Variants in DPYSL3 observed in about 807,000 individuals in gnomAD.
The protein encoded by DPYSL3 is dihydropyrimidinase-related protein 3.
Under a neutral mutation model 66.1 loss-of-function variants are expected in DPYSL3, and 16 were observed. The observed-to-expected ratio is 0.24, with a 90% CI of 0.16 to 0.37. DPYSL3 has a LOEUF of 0.37. Among genes scored for constraint, DPYSL3 ranks in the 10% least tolerant of loss-of-function variants. The pLI is 1.00. For synonymous variants in DPYSL3, 338 were observed against 345.1 expected, an observed-to-expected ratio of 0.98 and a Z score of 0.23; for missense variants, 738 against 916.2, an observed-to-expected ratio of 0.81 and a Z score of 2.51.
At position 147,445,958 on chromosome 5, in the gene DPYSL3, C is replaced by T. The variant is rs145586234; in HGVS notation, c.382-20995G>A. On this transcript the variant is annotated intron_variant, in intron 1 of 13. Transcript: ENST00000343218. Reference sequence around the variant, plus strand: ...CAAAATCTATTAATTAAGTCTACTCCCTGAATGAGAAAAAGACTGGGATTT... The same window carrying T: ...CAAAATCTATTAATTAAGTCTACTCTCTGAATGAGAAAAAGACTGGGATTT... Among the ~76,000 whole-genome samples, 1,051 of 152,222 alleles carry T rather than the reference C, an allele frequency of 6.9e-3. 11 individuals are homozygous for T. Among genetic ancestry groups the T allele is most frequent in the African/African-American group, 0.024 (989 of 41,514 alleles).
intron 1 of DPYSL3, among the ~76,000 whole-genome samples, chr5:147,489,063 G>T (rs1443642067): frequency 6.6e-6 from 1 of 151,852 alleles, no homozygotes; most frequent in Non-Finnish European, 1.5e-5. Context: ...TTAGGCACTT[G>T]GGGCACATCA....
At chr5:147,486,897 C>T in intron 1 of DPYSL3, among the ~76,000 whole-genome samples, 1 of 152,180 alleles carries the variant, frequency 6.6e-6, no homozygotes, top group African/African-American at 2.4e-5. Context: ...CCTTTTACTG[C>T]ATATTCTTGA....
chr5:147,438,231 C>T (rs1165832677), intron 1 of DPYSL3, among the ~76,000 whole-genome samples: 1 of 152,176 alleles, frequency 6.6e-6, no homozygotes, highest in Non-Finnish European at 1.5e-5. Flanking sequence ...AGGTGGTTAT[C>T]AAAGCAGAGG....
At chr5:147,450,576 C>T (rs541423122) in intron 1 of DPYSL3, among the ~76,000 whole-genome samples, 31 of 152,216 alleles carry the variant, frequency 2.0e-4, no homozygotes, top group African/African-American at 7.2e-4. Flanking sequence ...GTAGCTACTC[C>T]GAGCCAACTC....
rs1751904225 is a variant in DPYSL3 at position 147,413,757 on chromosome 5, G to T, written c.821-100C>A. On this transcript the variant is annotated intron_variant, in intron 4 of 13. Transcript: ENST00000343218. ...CTTCCATCGACCATAGCACCCAGCT[G>T]CATTACCCGGGCTCCTGTCCAACAT... 5 of 922,230 alleles carry T rather than the reference G, an allele frequency of 5.4e-6. No individual in the cohort carries two copies. In the East Asian group the frequency reaches 1.0e-4, roughly 19 times the overall value. The allele number at this position is 922,230 out of a possible 1,614,324, so 57.1% of individuals were successfully genotyped here. A position where few individuals can be genotyped will look rare whatever the true frequency, so the allele number is the denominator to read the frequency against.
chr5:147,498,296 C>A (rs570938857), intron 1 of DPYSL3, among the ~76,000 whole-genome samples: 2 of 152,118 alleles, frequency 1.3e-5, no homozygotes, highest in African/African-American at 4.8e-5. Flanking sequence ...GCATAGTATT[C>A]CATGGTGTAT....
In DPYSL3 at chr5:147,390,924, C is replaced by T. The variant is rs1039789056; in HGVS notation, c.*3111G>A. On this transcript the variant is annotated 3_prime_UTR_variant, in exon 14 of 14. Transcript: ENST00000343218. ...AGTTTTGTTCACGGTTCAAACCAAA[C>T]AGCTCTTCACGTTCCAGAGCTGCCT... is the stretch of plus-strand genomic sequence containing the variant. The T allele has an allele frequency of 6.6e-5, 10 of 152,662 alleles. No homozygotes were observed. The highest frequency in any genetic ancestry group is 4.1e-4 in the South Asian group (2 of 4,836). 9.5% of individuals were successfully genotyped at this position (152,662 alleles called of 1,614,324 possible).
chr5:147,465,618 A>G (rs552104840), intron 1 of DPYSL3, among the ~76,000 whole-genome samples: 15 of 152,222 alleles, frequency 9.9e-5, no homozygotes, highest in African/African-American at 3.6e-4. Flanking sequence ...CTTAAGACTA[A>G]GGGATTTATT....
At chr5:147,408,626 G>T in intron 7 of DPYSL3, 102 bp downstream of exon 7, 1 of 1,287,860 alleles carries the variant, frequency 7.8e-7, no homozygotes. Context: ...GTGGTCTTTG[G>T]AAGAAATGTT....
chr5:147,429,547 ATAT>A (rs1208245829), intron 1 of DPYSL3, among the ~76,000 whole-genome samples: 2 of 152,174 alleles, frequency 1.3e-5, no homozygotes, highest in Admixed American at 6.5e-5. Flanking sequence ...TATTCCATTA[ATAT>A]TATTTATAAT....
Position 147,415,697 on chromosome 5 carries a change from G to C in DPYSL3, c.820+12C>G, listed in dbSNP as rs536806106. 5.1e-5 allele frequency: 82 copies of C among 1,612,378 alleles called. No individual in the cohort carries two copies. Among genetic ancestry groups the C allele is most frequent in the Non-Finnish European group, 6.6e-5 (78 of 1,179,156 alleles). On this transcript the variant is annotated intron_variant, in intron 4 of 13. Transcript: ENST00000343218. ...GCTAAGAGAGGAGGGAGGACGGCAT[G>C]TCCGGGCTCACCTTTGTCCTTGATG... is the stretch of plus-strand genomic sequence containing the variant.
intron 3 of DPYSL3, 25 bp downstream of exon 3, chr5:147,418,422 G>T: frequency 6.3e-7 from 1 of 1,575,658 alleles, no homozygotes; most frequent in East Asian, 2.3e-5. Context: ...TGAGAAACAG[G>T]AGTGTGTAAA....
Position 147,393,454 on chromosome 5 carries a change from G to T in DPYSL3, c.*581C>A, listed in dbSNP as rs1018088966. 1 of 152,610 alleles carries T rather than the reference G, an allele frequency of 6.6e-6. No homozygotes were observed. Among genetic ancestry groups the T allele is most frequent in the African/African-American group, 2.4e-5 (1 of 41,446 alleles). The allele number at this position is 152,610 out of a possible 1,614,324, so 9.5% of individuals were successfully genotyped here. ...TGACAAAGAACAGAACCCAAAGACT[G>T]CCTGCCTTCTCGGCAGACCCTAGGG... On this transcript the variant is annotated 3_prime_UTR_variant, in exon 14 of 14. Coordinates refer to ENST00000343218, the MANE Select transcript of DPYSL3 (RefSeq NM_001197294.2).
At position 147,392,444 on chromosome 5, in the gene DPYSL3, G is replaced by A. The variant is rs1433247812; in HGVS notation, c.*1591C>T. 6.6e-6 allele frequency: 1 copy of A among 152,228 alleles called. No homozygotes were observed. Among genetic ancestry groups the A allele is most frequent in the Non-Finnish European group, 1.5e-5 (1 of 68,060 alleles). The allele number at this position is 152,228 out of a possible 1,614,324, so 9.4% of individuals were successfully genotyped here. ...GGTTTCTCCTAAGCAATTAAAAGGT[G>A]TCTGAGGCCTGCTCTTCTCTTCAAA... On this transcript the variant is annotated 3_prime_UTR_variant, in exon 14 of 14. Coordinates refer to ENST00000343218, the MANE Select transcript of DPYSL3 (RefSeq NM_001197294.2).
At chr5:147,435,549 A>T (rs558493078) in intron 1 of DPYSL3, among the ~76,000 whole-genome samples, 2 of 152,286 alleles carry the variant, frequency 1.3e-5, no homozygotes, top group African/African-American at 2.4e-5. Flanking sequence ...ATACTGGAAT[A>T]AGGGATGCAA....
At chr5:147,462,538 C>T (rs1205378259) in intron 1 of DPYSL3, among the ~76,000 whole-genome samples, 2 of 152,130 alleles carry the variant, frequency 1.3e-5, no homozygotes, top group Admixed American at 1.3e-4. Flanking sequence ...CATGCCACAA[C>T]TTCTTTCAGA....
intron 2 of DPYSL3, 122 bp downstream of exon 2, chr5:147,424,753 A>G: frequency 2.2e-5 from 16 of 743,354 alleles, no homozygotes. Context: ...TCAGTATCTC[A>G]CTTCATTCTG....
intron 1 of DPYSL3, among the ~76,000 whole-genome samples, chr5:147,508,628 A>G (rs531555921): frequency 6.6e-6 from 1 of 152,296 alleles, no homozygotes; most frequent in Admixed American, 6.5e-5. Flanking sequence ...CTAGATTTCA[A>G]TGCCATCCCT....
chr5:147,490,464 C>G (rs771965066), intron 1 of DPYSL3, among the ~76,000 whole-genome samples: 18 of 152,072 alleles, frequency 1.2e-4, no homozygotes, highest in Non-Finnish European at 2.2e-4. Flanking sequence ...AAATAGAGTA[C>G]CAGATAGCCA....
Sources: gnomAD v4.1 joint callset for allele counts (sites outside exome capture counted in the v4.1 genomes callset) on GRCh38, gnomAD v4.1.1 for gene constraint, MANE v1.5 for transcripts, NCBI Gene and HGNC (gene_info 2026-07-23, HGNC 2026-07-21) for gene names.